RHEB: variants seen among roughly 807,000 people sequenced by gnomAD.
The protein encoded by RHEB is Ras homolog, mTORC1 binding, also known as GTP-binding protein Rheb.
Under a neutral mutation model 28.8 loss-of-function variants are expected in RHEB, and 2 were observed. That is an observed-to-expected ratio of 0.07 (90% confidence interval 0.03 to 0.22). The LOEUF (loss-of-function observed/expected upper bound fraction) is 0.22. RHEB is among the 10% of genes least tolerant of loss of function. The pLI is 1.00. For missense variants in RHEB, 76 were observed against 219.9 expected, an observed-to-expected ratio of 0.35 and a Z score of 4.14; for synonymous variants, 69 against 77.3, an observed-to-expected ratio of 0.89 and a Z score of 0.56.
chr7:151,495,139 A>G (rs1191458001), intron 1 of RHEB, among the ~76,000 whole-genome samples: 15 of 152,302 alleles, frequency 9.8e-5, no homozygotes, highest in African/African-American at 3.6e-4. Context: ...TTTTGTCCTT[A>G]GCAAATTCAG....
Position 151,503,334 on chromosome 7 carries a change from T to TA in RHEB, c.53-12321dup, listed in dbSNP as rs1160661859. Reference sequence around the variant, plus strand: ...GAGCTATGTTGGAAATGATCACAGATAAAATGCAAGACGGGTCTCGGTTTG... The same window carrying TA: ...GAGCTATGTTGGAAATGATCACAGATAAAAATGCAAGACGGGTCTCGGTTTG... On this transcript the variant is annotated intron_variant, in intron 1 of 7. Transcript: ENST00000262187. The TA allele has an allele frequency of 1.2e-4, 106 of 866,850 alleles. 1 individual carries two copies. In the South Asian group the frequency reaches 1.4e-3, roughly 11 times the overall value. The allele number at this position is 866,850 out of a possible 1,614,324, so 53.7% of individuals were successfully genotyped here. A position where few individuals can be genotyped will look rare whatever the true frequency, so the allele number is the denominator to read the frequency against.
intron 3 of RHEB, among the ~76,000 whole-genome samples, chr7:151,479,781 A>G (rs1044087597): frequency 6.6e-6 from 1 of 152,184 alleles, no homozygotes; most frequent in Non-Finnish European, 1.5e-5. Context: ...TAAAAGACAA[A>G]CTGAAAACAA....
intron 6 of RHEB, 41 bp downstream of exon 6, chr7:151,471,353 G>A: frequency 8.1e-7 from 1 of 1,240,144 alleles, no homozygotes; most frequent in Non-Finnish European, 1.2e-6. Context: ...ATACTTCAGT[G>A]ACTAAATCAT....
chr7:151,484,932 A>G (rs1197478462), intron 2 of RHEB, 128 bp from the exon 3 acceptor site: 1 of 617,968 alleles, frequency 1.6e-6, no homozygotes, highest in Non-Finnish European at 2.9e-6. Context: ...CATGAAACAA[A>G]AAAGAACAAC....
At chr7:151,495,492 G>A (rs920395467) in intron 1 of RHEB, among the ~76,000 whole-genome samples, 1 of 152,158 alleles carries the variant, frequency 6.6e-6, no homozygotes, top group African/African-American at 2.4e-5. Context: ...ATGATAAAAT[G>A]GCACAGTGAG....
At chr7:151,474,290 C>T (rs1419363089) in intron 4 of RHEB, among the ~76,000 whole-genome samples, 1 of 152,038 alleles carries the variant, frequency 6.6e-6, no homozygotes, top group Non-Finnish European at 1.5e-5. Context: ...AAGAGATTCT[C>T]CTGCCTCAGC....
In RHEB at chr7:151,466,012, T is replaced by C. The variant is rs1431841037; in HGVS notation, c.*1107A>G. 6.6e-6 allele frequency: 1 copy of C among 152,200 alleles called. No individual in the cohort carries two copies. The highest frequency in any genetic ancestry group is 2.4e-5 in the African/African-American group (1 of 41,466). 9.4% of individuals were successfully genotyped at this position (152,200 alleles called of 1,614,324 possible). On this transcript the variant is annotated 3_prime_UTR_variant, in exon 8 of 8. Coordinates refer to ENST00000262187, the MANE Select transcript of RHEB (RefSeq NM_005614.4). ...ACATAATTTTTCATTAACAATCAACTGCAAAGCAAAACTATATTTTATTAA... is the reference window on the plus strand; with the variant it reads ...ACATAATTTTTCATTAACAATCAACCGCAAAGCAAAACTATATTTTATTAA...
intron 1 of RHEB, among the ~76,000 whole-genome samples, chr7:151,506,246 G>A (rs1379251673): frequency 1.3e-5 from 2 of 151,114 alleles, no homozygotes; most frequent in African/African-American, 4.9e-5. Flanking sequence ...GAGTACAATG[G>A]CAGGATCATA....
intron 2 of RHEB, among the ~76,000 whole-genome samples, chr7:151,489,999 A>C (rs1274111769): frequency 6.6e-6 from 1 of 152,150 alleles, no homozygotes; most frequent in African/African-American, 2.4e-5. Flanking sequence ...CCCATGTTTA[A>C]ATCTACATGT....
intron 1 of RHEB, among the ~76,000 whole-genome samples, chr7:151,516,880 A>G (rs957435341): frequency 2.6e-5 from 4 of 152,122 alleles, no homozygotes; most frequent in African/African-American, 9.7e-5. Flanking sequence ...CTAGAAACAC[A>G]GGTACTCAAA....
intron 1 of RHEB, among the ~76,000 whole-genome samples, chr7:151,493,421 TAA>T (rs1393439060): frequency 1.3e-5 from 2 of 152,238 alleles, no homozygotes; most frequent in African/African-American, 4.8e-5. Context: ...ACCCATTCCT[TAA>T]AAGTCATTCT....
At chr7:151,486,483 CTGGGAG>C (rs1802475994) in intron 2 of RHEB, among the ~76,000 whole-genome samples, 1 of 152,186 alleles carries the variant, frequency 6.6e-6, no homozygotes, top group Non-Finnish European at 1.5e-5. Flanking sequence ...GGTATCTTCC[CTGGGAG>C]TGGAACACCC....
At chr7:151,489,854 T>C (rs1398611460) in intron 2 of RHEB, among the ~76,000 whole-genome samples, 1 of 152,246 alleles carries the variant, frequency 6.6e-6, no homozygotes, top group Non-Finnish European at 1.5e-5. Flanking sequence ...AGACAGGAAA[T>C]GGGCCTTGCT....
At chr7:151,502,298 A>C in intron 1 of RHEB, 2 of 751,064 alleles carry the variant, frequency 2.7e-6, no homozygotes, top group Non-Finnish European at 4.7e-6. Flanking sequence ...ATCACTGATC[A>C]TTCCTCCCAA....
intron 1 of RHEB, among the ~76,000 whole-genome samples, chr7:151,514,352 G>A (rs2150940113): frequency 6.6e-6 from 1 of 152,180 alleles, no homozygotes; most frequent in Middle Eastern, 3.4e-3. Context: ...AGCATAAGTG[G>A]CAGGAGAAAA....
chr7:151,490,540 G>A (rs1380250466), intron 2 of RHEB, among the ~76,000 whole-genome samples: 2 of 152,188 alleles, frequency 1.3e-5, no homozygotes, highest in African/African-American at 2.4e-5. Flanking sequence ...AATGTGGGTG[G>A]GAGTACGGCT....
intron 1 of RHEB, among the ~76,000 whole-genome samples, chr7:151,506,473 T>C (rs988998438): frequency 2.6e-5 from 4 of 152,190 alleles, no homozygotes; most frequent in Non-Finnish European, 5.9e-5. Context: ...TCCTATAACG[T>C]GCTTTGTGAG....
In RHEB at chr7:151,495,766, C is replaced by T. The variant is rs1023712837; in HGVS notation, c.53-4752G>A. ...AGGAGTTTGAGACCAGCCTGGACAA[C>T]GTGATAAAACCCTATCTCTACAAAA... On this transcript the variant is annotated intron_variant, in intron 1 of 7. Transcript: ENST00000262187. Among the ~76,000 whole-genome samples, 6 of 152,090 alleles carry T rather than the reference C, an allele frequency of 3.9e-5. No individual in the cohort carries two copies. In the South Asian group the frequency reaches 8.3e-4, roughly 21 times the overall value.
At chr7:151,502,244 AAAAG>A in intron 1 of RHEB, 2 of 529,042 alleles carry the variant, frequency 3.8e-6, no homozygotes, top group Non-Finnish European at 3.4e-6. Flanking sequence ...AAAAAAAAAA[AAAAG>A]GAGCTTGGAG....
Sources: gnomAD v4.1 joint callset for allele counts (sites outside exome capture counted in the v4.1 genomes callset) on GRCh38, gnomAD v4.1.1 for gene constraint, MANE v1.5 for transcripts, NCBI Gene and HGNC (gene_info 2026-07-23, HGNC 2026-07-21) for gene names.